RUNX1T1: variants seen among roughly 807,000 people sequenced by gnomAD.
RUNX1T1 encodes the protein RUNX1 partner transcriptional co-repressor 1, also known as protein CBFA2T1.
A neutral mutation model predicts 62.8 loss-of-function variants in RUNX1T1; 4 were observed. The observed-to-expected ratio is 0.06, with a 90% CI of 0.03 to 0.15. The LOEUF is 0.15. Among genes scored for constraint, RUNX1T1 ranks in the 10% least tolerant of loss-of-function variants. The pLI is 1.00. For missense variants in RUNX1T1, 508 were observed against 754.3 expected (o/e 0.67, Z 3.82); for synonymous variants, 291 against 286.0 (o/e 1.02, Z -0.18).
intron 4 of RUNX1T1, among the ~76,000 whole-genome samples, chr8:92,007,201 C>G (rs991560283): frequency 2.6e-5 from 4 of 152,130 alleles, no homozygotes; most frequent in Non-Finnish European, 2.9e-5. Flanking sequence ...GTGGCTTGCT[C>G]ACGCCTGTAA....
At chr8:92,091,669 T>C (rs1316109772) in intron 1 of RUNX1T1, among the ~76,000 whole-genome samples, 3 of 152,214 alleles carry the variant, frequency 2.0e-5, no homozygotes, top group Non-Finnish European at 4.4e-5. Context: ...TGTCAGAAAC[T>C]GGTGCTATAT....
At chr8:92,032,357 G>A (rs1826427717) in intron 1 of RUNX1T1, among the ~76,000 whole-genome samples, 2 of 151,982 alleles carry the variant, frequency 1.3e-5, no homozygotes, top group African/African-American at 4.8e-5. Flanking sequence ...CCCGTCTCAT[G>A]CCATATATTC....
exon 6 of RUNX1T1, chr8:91,991,884 T>C (rs1563694257): frequency 6.2e-7 from 1 of 1,614,182 alleles, no homozygotes; most frequent in Non-Finnish European, 8.5e-7. Flanking sequence ...GCCATTTTCT[T>C]TGGTTCTAAA....
At chr8:91,986,127 G>A (rs769078265) in exon 8 of RUNX1T1, 1 of 1,612,146 alleles carries the variant, frequency 6.2e-7, no homozygotes, top group Non-Finnish European at 8.5e-7. Context: ...AAGTTACCTA[G>A]TGCAACTGGG....
At position 92,055,924 on chromosome 8, in the gene RUNX1T1, T is replaced by C. The variant is rs536313997; in HGVS notation, c.7+6622A>G. Among the ~76,000 whole-genome samples, 11 of 152,346 alleles carry C rather than the reference T, an allele frequency of 7.2e-5. No individual in the cohort carries two copies. The East Asian group carries it at 1.9e-3, about 27-fold the overall frequency. ...AGTGTTACTGTAACTGCTAAGTATATAGGTTCAGATACAACCATAACAACT... is the reference window on the plus strand; with the variant it reads ...AGTGTTACTGTAACTGCTAAGTATACAGGTTCAGATACAACCATAACAACT... On this transcript the variant is annotated intron_variant, in intron 1 of 10. Coordinates refer to ENST00000396218, the Ensembl canonical transcript of RUNX1T1.
At chr8:92,030,824 T>C (rs1826082458) in intron 1 of RUNX1T1, among the ~76,000 whole-genome samples, 1 of 152,220 alleles carries the variant, frequency 6.6e-6, no homozygotes, top group African/African-American at 2.4e-5. Context: ...CCTCATCTTC[T>C]GAACTGGCTT....
At chr8:92,101,949 C>G (rs1265380143), upstream of RUNX1T1, among the ~76,000 whole-genome samples, 4 of 152,134 alleles carry the variant, frequency 2.6e-5, no homozygotes, top group Non-Finnish European at 4.4e-5. Context: ...GGGGGCTTCA[C>G]CAGAGGGGTT....
intron 9 of RUNX1T1, 37 bp from the exon 11 acceptor site, chr8:91,970,885 C>G (rs775215763): frequency 6.6e-7 from 1 of 1,516,638 alleles, no homozygotes; most frequent in Admixed American, 2.3e-5. Flanking sequence ...CAAGAAAACA[C>G]CTCTCAGTTA....
intron 7 of RUNX1T1, 23 bp from the exon 9 acceptor site, chr8:91,986,348 G>A (rs1025632427): frequency 6.5e-7 from 1 of 1,545,126 alleles, no homozygotes; most frequent in Non-Finnish European, 8.9e-7. Flanking sequence ...GGGGAGAATA[G>A]GGAAGAGCAT....
At chr8:91,988,411 T>C (rs967172019) in intron 6 of RUNX1T1, among the ~76,000 whole-genome samples, 1 of 152,096 alleles carries the variant, frequency 6.6e-6, no homozygotes, top group East Asian at 1.9e-4. Flanking sequence ...TATAAAGACA[T>C]TGGGAAAGAA....
At chr8:92,103,182 T>G, upstream of RUNX1T1, 1 of 330,038 alleles carries the variant, frequency 3.0e-6, no homozygotes, top group Non-Finnish European at 5.5e-6. Context: ...CCTCCCTCCC[T>G]CCCTCCGCTT....
chr8:92,018,117 G>A (rs1563767962), intron 1 of RUNX1T1, among the ~76,000 whole-genome samples: 1 of 152,078 alleles, frequency 6.6e-6, no homozygotes, highest in Non-Finnish European at 1.5e-5. Context: ...TTTTTCATGA[G>A]TATGTGGCAG....
chr8:92,038,354 G>A (rs1827810074), intron 1 of RUNX1T1, among the ~76,000 whole-genome samples: 1 of 152,008 alleles, frequency 6.6e-6, no homozygotes, highest in African/African-American at 2.4e-5. Context: ...CCTGAAGGCA[G>A]GATTCTAACT....
At chr8:92,102,841 T>C (rs575890699), upstream of RUNX1T1, 66 of 1,512,948 alleles carry the variant, frequency 4.4e-5, no homozygotes, top group African/African-American at 7.5e-4. This position sits in a 1 kb window ranked among gnomAD's most constrained non-coding sequence, Gnocchi z 4.5. Flanking sequence ...GGCCAAGCCC[T>C]ACCGCGGACA....
At chr8:91,977,362 T>C (rs757923496) in intron 8 of RUNX1T1, 7 of 193,868 alleles carry the variant, frequency 3.6e-5, no homozygotes, top group Non-Finnish European at 7.5e-5. Flanking sequence ...ACTGGAAATA[T>C]CTATGCATTC....
chr8:92,062,420 C>A lies in RUNX1T1; in HGVS notation c.7+126G>T, dbSNP rs1262732878. 3.8e-6 allele frequency: 4 copies of A among 1,046,886 alleles called. No homozygotes were observed. The Admixed American group carries it at 6.8e-5, about 18-fold the overall frequency. 64.8% of individuals were successfully genotyped at this position (1,046,886 alleles called of 1,614,324 possible). A position where few individuals can be genotyped will look rare whatever the true frequency, so the allele number is the denominator to read the frequency against. ...TACCTTCCAATCACACCTCTGTCAC[C>A]CCCAGCCTCTTCCTGCCCACATCAG... On this transcript the variant is annotated intron_variant, in intron 1 of 10. Transcript: ENST00000396218.
At chr8:92,039,207 ATG>A (rs1211059313) in intron 1 of RUNX1T1, among the ~76,000 whole-genome samples, 1 of 146,902 alleles carries the variant, frequency 6.8e-6, no homozygotes, top group African/African-American at 2.5e-5. Flanking sequence ...AGGTTTCACT[ATG>A]TTGCCCAGGC....
intron 5 of RUNX1T1, among the ~76,000 whole-genome samples, chr8:91,994,140 G>A (rs1350817656): frequency 6.6e-6 from 1 of 152,178 alleles, no homozygotes; most frequent in Non-Finnish European, 1.5e-5. Context: ...GCCCCCAAGG[G>A]AGTGGTGGCC....
At chr8:92,020,652 G>A (rs1203109490) in intron 1 of RUNX1T1, among the ~76,000 whole-genome samples, 1 of 152,072 alleles carries the variant, frequency 6.6e-6, no homozygotes, top group African/African-American at 2.4e-5. Flanking sequence ...TTCTAAACAA[G>A]ACGATCTTCC....
Sources: gnomAD v4.1 joint callset for allele counts (sites outside exome capture counted in the v4.1 genomes callset) on GRCh38, gnomAD v4.1.1 for gene constraint, Gnocchi (gnomAD v3.1) non-coding constraint, MANE v1.5 for transcripts, NCBI Gene and HGNC (gene_info 2026-07-23, HGNC 2026-07-21) for gene names.